The following EFEMP1 variants were observed in gnomAD, a reference collection of about 807,000 sequenced individuals.
The protein encoded by EFEMP1 is EGF-containing fibulin-like extracellular matrix protein 1.
EFEMP1 carries 18 observed loss-of-function variants against 65.7 expected under a neutral mutation model. The observed-to-expected ratio is 0.27, with a 90% confidence interval of 0.19 to 0.41. The LOEUF (loss-of-function observed/expected upper bound fraction) is 0.41, where lower values mean the gene tolerates loss of function less well. Among genes scored for constraint, EFEMP1 ranks in the 10% least tolerant of loss-of-function variants. EFEMP1 has a pLI of 1.00. For synonymous variants in EFEMP1, 237 were observed against 219.7 expected (o/e 1.08, Z -0.70); for missense variants, 469 against 624.8 (o/e 0.75, Z 2.66).
intron 6 of EFEMP1, among the ~76,000 whole-genome samples, chr2:55,879,001 C>T (rs1273165784): frequency 6.6e-6 from 1 of 152,192 alleles, no homozygotes; most frequent in Non-Finnish European, 1.5e-5. Context: ...GTTCAGGTGT[C>T]CATTCAAATG....
intron 5 of EFEMP1, among the ~76,000 whole-genome samples, chr2:55,915,833 T>C (rs1180889034): frequency 1.3e-5 from 2 of 152,164 alleles, no homozygotes; most frequent in East Asian, 1.9e-4. Context: ...TTTTTATCAG[T>C]ATTAACCCAA....
At chr2:55,880,842 G>A (rs1256157367) in intron 6 of EFEMP1, among the ~76,000 whole-genome samples, 4 of 152,100 alleles carry the variant, frequency 2.6e-5, no homozygotes, top group Admixed American at 1.3e-4. Context: ...CAAAACACAC[G>A]CATAGAGCCT....
At position 55,877,966 on chromosome 2, in the gene EFEMP1, A is replaced by G. The variant is rs1669099914; in HGVS notation, c.641-101T>C. The G allele has an allele frequency of 5.6e-6, 8 of 1,426,142 alleles. No individual in the cohort carries two copies. The Admixed American group carries it at 1.6e-4, about 28-fold the overall frequency. 88.3% of individuals were successfully genotyped at this position (1,426,142 alleles called of 1,614,324 possible). The stretch of plus-strand genomic sequence containing the variant: ...CCTATGTAGAGAAAATCTCTTTTTA[A>G]AAGTAATAATTTCCTATTTTGTTAA... On this transcript the variant is annotated intron_variant, in intron 6 of 11. Coordinates refer to ENST00000355426, the MANE Select transcript of EFEMP1 (RefSeq NM_001039348.3). This position sits in a 1 kb window ranked among gnomAD's most constrained non-coding sequence, Gnocchi z 4.5.
chr2:55,880,719 T>C (rs905661637), intron 6 of EFEMP1, among the ~76,000 whole-genome samples: 2 of 152,212 alleles, frequency 1.3e-5, no homozygotes, highest in African/African-American at 4.8e-5. Context: ...TGTAAATAAA[T>C]GGACAGTCAG....
chr2:55,879,625 A>C (rs1416376292), intron 6 of EFEMP1, among the ~76,000 whole-genome samples: 1 of 152,154 alleles, frequency 6.6e-6, no homozygotes, highest in Non-Finnish European at 1.5e-5. Context: ...TCTGGTATGA[A>C]AGACAGGCAT....
At chr2:55,876,778 G>GTA (rs1405577710) in intron 7 of EFEMP1, 36 bp from the exon 8 acceptor site, 11 of 1,193,028 alleles carry the variant, frequency 9.2e-6, no homozygotes, top group African/African-American at 7.7e-5. Context: ...ATATGTATAT[G>GTA]TATATATATA....
rs1219838265 is a variant in EFEMP1 at position 55,919,429 on chromosome 2, C to A, written c.82-1162G>T. ...GGAATCTAAATTCTTAGCAAGTATCCCAGGCGATTCCCATACAGGTTGTCT... is the reference window on the plus strand; with the variant it reads ...GGAATCTAAATTCTTAGCAAGTATCACAGGCGATTCCCATACAGGTTGTCT... On this transcript the variant is annotated intron_variant, in intron 3 of 11. Coordinates refer to ENST00000355426, the MANE Select transcript of EFEMP1 (RefSeq NM_001039348.3). This position sits in a 1 kb window ranked among gnomAD's most constrained non-coding sequence, Gnocchi z 4.5. Among the ~76,000 whole-genome samples the A allele has an allele frequency of 2.6e-5, 4 of 152,084 alleles. No individual in the cohort carries two copies. Among genetic ancestry groups the A allele is most frequent in the East Asian group, 3.9e-4 (2 of 5,186 alleles).
intron 9 of EFEMP1, among the ~76,000 whole-genome samples, chr2:55,874,657 C>T (rs1476048523): frequency 6.6e-6 from 1 of 151,896 alleles, no homozygotes; most frequent in African/African-American, 2.4e-5. Flanking sequence ...GAATCTTTTC[C>T]AGTGGATGAT....
intron 8 of EFEMP1, among the ~76,000 whole-genome samples, chr2:55,875,502 C>A (rs1393162293): frequency 6.6e-6 from 1 of 152,044 alleles, no homozygotes; most frequent in Non-Finnish European, 1.5e-5. Context: ...CAAATTCTAA[C>A]AATATCAGCT....
intron 5 of EFEMP1, among the ~76,000 whole-genome samples, chr2:55,897,421 C>G (rs1669870016): frequency 6.6e-6 from 1 of 152,166 alleles, no homozygotes; most frequent in Non-Finnish European, 1.5e-5. Context: ...ATAATGAACA[C>G]ATCATCTCCA....
intron 5 of EFEMP1, among the ~76,000 whole-genome samples, chr2:55,892,916 A>C (rs1669685708): frequency 6.6e-6 from 1 of 152,178 alleles, no homozygotes; most frequent in Admixed American, 6.5e-5. Context: ...CACGGAGTCT[A>C]TCATATTCCA....
At chr2:55,895,902 C>A (rs1669814989) in intron 5 of EFEMP1, among the ~76,000 whole-genome samples, 4 of 152,158 alleles carry the variant, frequency 2.6e-5, no homozygotes, top group Admixed American at 2.6e-4. Context: ...ACTCTACTGA[C>A]TTGGGGCAAT....
chr2:55,876,756 T>TTATA lies in EFEMP1; in HGVS notation c.761-18_761-15dup, dbSNP rs3838530. Reference sequence around the variant, plus strand: ...ATTCATTTATATCTGAAAAAAAGTTTTATATATATATATATGTATATGTAT... The same window carrying TTATA: ...ATTCATTTATATCTGAAAAAAAGTTTTATATATATATATATATATGTATATGTAT... On this transcript the variant is annotated splice_polypyrimidine_tract_variant and intron_variant, in intron 7 of 11. Transcript: ENST00000355426. 1.3e-4 allele frequency: 194 copies of TTATA among 1,470,494 alleles called. No homozygotes were observed. In the South Asian group the frequency reaches 2.0e-3, roughly 15 times the overall value. The allele number at this position is 1,470,494 out of a possible 1,614,324, so 91.1% of individuals were successfully genotyped here.
rs187645271 is a variant in EFEMP1 at position 55,896,423 on chromosome 2, T to C, written c.518-14689A>G. On this transcript the variant is annotated intron_variant, in intron 5 of 11. Coordinates refer to ENST00000355426, the MANE Select transcript of EFEMP1 (RefSeq NM_001039348.3). ...TCCTTTAAGAGTTGCAGTTATATTCTATGTGGAGAAAAACTAGAAATGGCC... is the reference window on the plus strand; with the variant it reads ...TCCTTTAAGAGTTGCAGTTATATTCCATGTGGAGAAAAACTAGAAATGGCC... Among the ~76,000 whole-genome samples, 354 of 152,324 alleles carry C rather than the reference T, an allele frequency of 2.3e-3. 5 individuals carry two copies. The Middle Eastern group carries it at 0.041, about 18-fold the overall frequency.
At chr2:55,880,080 C>G (rs199590383) in intron 6 of EFEMP1, among the ~76,000 whole-genome samples, 1 of 152,254 alleles carries the variant, frequency 6.6e-6, no homozygotes, top group East Asian at 1.9e-4. Context: ...GTAAGTAACA[C>G]TGTGTGACGT....
intron 6 of EFEMP1, among the ~76,000 whole-genome samples, chr2:55,880,208 G>C (rs920734836): frequency 1.1e-4 from 16 of 152,112 alleles, no homozygotes; most frequent in Admixed American, 7.9e-4. Context: ...CTCTGTCGAG[G>C]AATGTAGACT....
Position 55,917,600 on chromosome 2 carries a change from C to T in EFEMP1, c.517+65G>A. ...CGAGAAGTCCTTAATAAATTATCAT[C>T]ATCCTCACCACGAGGTGCACTTGGG... On this transcript the variant is annotated intron_variant, in intron 5 of 11. Coordinates refer to ENST00000355426, the MANE Select transcript of EFEMP1 (RefSeq NM_001039348.3). This position sits in a 1 kb window ranked among gnomAD's most constrained non-coding sequence, Gnocchi z 6.3. 3 of 1,604,474 alleles carry T rather than the reference C, an allele frequency of 1.9e-6. No individual in the cohort carries two copies. In the Admixed American group the frequency reaches 5.0e-5, roughly 27 times the overall value.
chr2:55,881,978 G>A (rs954464396), intron 5 of EFEMP1, among the ~76,000 whole-genome samples: 1 of 151,966 alleles, frequency 6.6e-6, no homozygotes, highest in African/African-American at 2.4e-5. Context: ...GGCTCATTTT[G>A]TTTTGTTAAG....
intron 6 of EFEMP1, among the ~76,000 whole-genome samples, chr2:55,879,280 A>C (rs1247864994): frequency 1.3e-5 from 2 of 152,188 alleles, no homozygotes; most frequent in Non-Finnish European, 2.9e-5. Context: ...TATTCGAATA[A>C]ATCGAAACTT....
Sources: allele counts gnomAD v4.1 joint callset (sites outside exome capture counted in the v4.1 genomes callset), GRCh38; gene constraint gnomAD v4.1.1; non-coding constraint Gnocchi (gnomAD v3.1); transcripts MANE v1.5; gene names NCBI Gene and HGNC (gene_info 2026-07-23, HGNC 2026-07-21).